The following SHROOM3 variants were observed in gnomAD, a reference collection of about 807,000 sequenced individuals.
SHROOM3 encodes shroom family member 3.
SHROOM3 carries 47 observed loss-of-function variants against 138.6 expected under a neutral mutation model. That is an observed-to-expected ratio of 0.34 (90% confidence interval 0.27 to 0.43). The LOEUF is 0.43. SHROOM3 is among the 20% of genes least tolerant of loss of function. The pLI is 1.00. For synonymous variants in SHROOM3, 1,062 were observed against 1,063.3 expected (o/e 1.00, Z 0.02); for missense variants, 2,491 against 2,596.5 (o/e 0.96, Z 0.88).
At chr4:76,641,989 C>T (rs953606445) in intron 2 of SHROOM3, among the ~76,000 whole-genome samples, 1 of 152,072 alleles carries the variant, frequency 6.6e-6, no homozygotes, top group African/African-American at 2.4e-5. Context: ...TCAGATCCAG[C>T]TCCATGTTTT....
chr4:76,722,002 G>A (rs61534973), intron 3 of SHROOM3, among the ~76,000 whole-genome samples: 19,115 of 152,072 alleles, frequency 0.13, 1,433 homozygotes, highest in East Asian at 0.21. Context: ...AGGCATAGGG[G>A]TACGTGCTAT....
chr4:76,492,371 GA>G (rs1731871845), intron 1 of SHROOM3, among the ~76,000 whole-genome samples: 1 of 152,192 alleles, frequency 6.6e-6, no homozygotes, highest in Non-Finnish European at 1.5e-5. Flanking sequence ...CTGGTTGATT[GA>G]AAAGTAATTG....
chr4:76,711,719 A>G (rs1361754414), intron 3 of SHROOM3, among the ~76,000 whole-genome samples: 1 of 152,102 alleles, frequency 6.6e-6, no homozygotes, highest in African/African-American at 2.4e-5. Flanking sequence ...GCAAATCCAT[A>G]TTGGTATCTT....
chr4:76,488,123 A>G (rs1200970804), intron 1 of SHROOM3, among the ~76,000 whole-genome samples: 1 of 152,184 alleles, frequency 6.6e-6, no homozygotes, highest in Non-Finnish European at 1.5e-5. Context: ...ATTGAGGATG[A>G]TAAAAAGAGT....
At chr4:76,513,801 G>T (rs750066783) in intron 1 of SHROOM3, among the ~76,000 whole-genome samples, 10 of 152,204 alleles carry the variant, frequency 6.6e-5, no homozygotes, top group African/African-American at 2.4e-4. Context: ...GAGGAATAGA[G>T]GGGGAGTCTG....
At chr4:76,538,495 CAGTG>C (rs1296326945) in intron 1 of SHROOM3, among the ~76,000 whole-genome samples, 1 of 152,072 alleles carries the variant, frequency 6.6e-6, no homozygotes, top group African/African-American at 2.4e-5. Context: ...AGAGGTCTGA[CAGTG>C]AGCTGGGGGG....
At chr4:76,554,641 C>T (rs376448185) in intron 1 of SHROOM3, among the ~76,000 whole-genome samples, 5 of 152,022 alleles carry the variant, frequency 3.3e-5, no homozygotes, top group African/African-American at 9.6e-5. Flanking sequence ...AGGATGGTCT[C>T]GATCTTCTGA....
chr4:76,543,687 GA>G (rs1324170443), intron 1 of SHROOM3, among the ~76,000 whole-genome samples: 1 of 152,146 alleles, frequency 6.6e-6, no homozygotes. Flanking sequence ...AGAGGGAAAG[GA>G]AACTCTGAAG....
chr4:76,612,271 C>G (rs1171395666), intron 2 of SHROOM3, among the ~76,000 whole-genome samples: 1 of 152,196 alleles, frequency 6.6e-6, no homozygotes, highest in Non-Finnish European at 1.5e-5. Flanking sequence ...AGTTAAACCT[C>G]TGGCTAGTTG....
At chr4:76,665,164 GTA>G (rs1159203958) in intron 2 of SHROOM3, among the ~76,000 whole-genome samples, 1 of 152,162 alleles carries the variant, frequency 6.6e-6, no homozygotes, top group East Asian at 1.9e-4. Context: ...TGTGTACACA[GTA>G]GTACTAGGAC....
intron 2 of SHROOM3, among the ~76,000 whole-genome samples, chr4:76,592,020 A>G (rs1734283603): frequency 6.6e-6 from 1 of 152,242 alleles, no homozygotes; most frequent in South Asian, 2.1e-4. Context: ...CATAAAGCAG[A>G]GAAGTACATC....
intron 2 of SHROOM3, among the ~76,000 whole-genome samples, chr4:76,595,288 A>T (rs1398502968): frequency 1.3e-5 from 2 of 152,228 alleles, no homozygotes; most frequent in Admixed American, 6.5e-5. Flanking sequence ...TGTTCATTTC[A>T]GCTGACTTTG....
At chr4:76,469,609 G>A (rs1047113705) in intron 1 of SHROOM3, among the ~76,000 whole-genome samples, 8 of 152,028 alleles carry the variant, frequency 5.3e-5, no homozygotes, top group Non-Finnish European at 1.0e-4. Context: ...GGTGCATGCT[G>A]CCACACCCAG....
chr4:76,692,489 A>G (rs1364611463), intron 2 of SHROOM3, among the ~76,000 whole-genome samples: 1 of 152,238 alleles, frequency 6.6e-6, no homozygotes, highest in African/African-American at 2.4e-5. Context: ...ACACCAACCT[A>G]TGACCCAACA....
chr4:76,459,835 G>GA (rs1731105397), intron 1 of SHROOM3, among the ~76,000 whole-genome samples: 1 of 152,146 alleles, frequency 6.6e-6, no homozygotes, highest in Non-Finnish European at 1.5e-5. Context: ...AGAGCTGGGA[G>GA]CCCTGCAGTT....
rs552000608 is a variant in SHROOM3 at position 76,702,289 on chromosome 4, T to G, written c.324-7867T>G. ...TTAATTTTTCTTTTCTTCTTTACAA[T>G]AAGGATGATTATTGCCTCAAATGAT... On this transcript the variant is annotated intron_variant, in intron 2 of 10. Transcript: ENST00000296043. 6.6e-5 allele frequency among the ~76,000 whole-genome samples: 10 copies of G among 152,330 alleles called. No homozygotes were observed. The East Asian group carries it at 1.9e-3, about 29-fold the overall frequency.
intron 2 of SHROOM3, among the ~76,000 whole-genome samples, chr4:76,562,800 T>C (rs890834671): frequency 8.5e-5 from 13 of 152,212 alleles, no homozygotes; most frequent in Admixed American, 2.0e-4. Context: ...AAAGAAGCAA[T>C]TTATTAAAAG....
chr4:76,521,304 G>A (rs1046372611), intron 1 of SHROOM3, among the ~76,000 whole-genome samples: 18 of 152,106 alleles, frequency 1.2e-4, no homozygotes, highest in Non-Finnish European at 2.4e-4. Context: ...GCGCACATAT[G>A]TGTGTGTGTG....
At chr4:76,667,966 C>CAAAAAAAAAAAAAAAAAAAAAAAAAAAA (rs747974205) in intron 2 of SHROOM3, among the ~76,000 whole-genome samples, 1 of 62,554 alleles carries the variant, frequency 1.6e-5, no homozygotes, top group African/African-American at 6.5e-5. Context: ...GACTCCCTCT[C>CAAAAAAAAAAAAAAAAAAAAAAAAAAAA]AAAAAAAAAA....
Sources: gnomAD v4.1 joint callset for allele counts (sites outside exome capture counted in the v4.1 genomes callset) on GRCh38, gnomAD v4.1.1 for gene constraint, MANE v1.5 for transcripts, NCBI Gene and HGNC (gene_info 2026-07-23, HGNC 2026-07-21) for gene names.